The following MCC variants were observed in gnomAD, a reference collection of about 807,000 sequenced individuals.
MCC encodes the protein colorectal mutant cancer protein.
MCC carries 90 observed loss-of-function variants against 116.2 expected under a neutral mutation model. The ratio of observed to expected loss-of-function variants is 0.77; its 90% CI spans 0.65 to 0.92. The LOEUF is 0.92. MCC is among the 40% of genes least tolerant of loss of function. The pLI, the probability that MCC is intolerant of heterozygous loss-of-function variation, is 0.00. For missense variants in MCC, 1,516 were observed against 1,312.2 expected (o/e 1.16, Z -2.40); for synonymous variants, 578 against 510.5 (o/e 1.13, Z -1.78).
At chr5:113,083,032 C>A in intron 10 of MCC, 24 bp from the exon 11 acceptor site, 2 of 1,599,180 alleles carry the variant, frequency 1.3e-6, no homozygotes, top group Non-Finnish European at 1.7e-6. Flanking sequence ...CATTAATTCC[C>A]CTTTGGAACA....
Position 113,434,436 on chromosome 5 carries a change from C to T in MCC, c.171-49224G>A, listed in dbSNP as rs977695941. On this transcript the variant is annotated intron_variant, in intron 1 of 18. Transcript: ENST00000408903. The surrounding 1 kb of genome is among the most constrained non-coding windows in gnomAD (Gnocchi z 4.2). ...GAGAAGGTTGTCACACTTGAGGTCC[C>T]GGTGGACGACGTCCAGGTCGTGGCA... The T allele has an allele frequency of 5.6e-6, 9 of 1,613,678 alleles. No homozygotes were observed. Among genetic ancestry groups the T allele is most frequent in the South Asian group, 1.1e-5 (1 of 91,044 alleles).
At chr5:113,419,753 C>G (rs960889550) in intron 1 of MCC, among the ~76,000 whole-genome samples, 4 of 150,530 alleles carry the variant, frequency 2.7e-5, no homozygotes, top group African/African-American at 9.8e-5. Context: ...CCATCATTCT[C>G]AGCAAACTAT....
At chr5:113,294,220 G>A in intron 3 of MCC, 1 of 1,365,300 alleles carries the variant, frequency 7.3e-7, no homozygotes, top group Non-Finnish European at 1.0e-6. Context: ...CTCCAGACTG[G>A]GAGCACAGGG....
At chr5:113,448,965 A>G (rs1472802613) in intron 1 of MCC, among the ~76,000 whole-genome samples, 1 of 152,172 alleles carries the variant, frequency 6.6e-6, no homozygotes, top group Non-Finnish European at 1.5e-5. Flanking sequence ...TGTACTATAT[A>G]TTGCATGAAT....
chr5:113,085,717 G>C (rs924728171), intron 8 of MCC, among the ~76,000 whole-genome samples: 3 of 151,882 alleles, frequency 2.0e-5, no homozygotes, highest in African/African-American at 7.3e-5. Flanking sequence ...TTTGAGACAG[G>C]GTCTTGCTCT....
At chr5:113,343,918 C>G (rs1265956686) in intron 2 of MCC, among the ~76,000 whole-genome samples, 1 of 152,128 alleles carries the variant, frequency 6.6e-6, no homozygotes, top group Non-Finnish European at 1.5e-5. Context: ...TGCAGGAATA[C>G]CACATTTTAA....
chr5:113,223,582 C>A (rs1241707263), intron 3 of MCC, among the ~76,000 whole-genome samples: 1 of 152,010 alleles, frequency 6.6e-6, no homozygotes, highest in Admixed American at 6.6e-5. Flanking sequence ...GAAGTAGGGA[C>A]TGGAAAGGAA....
intron 3 of MCC, among the ~76,000 whole-genome samples, chr5:113,226,331 G>A (rs1763737057): frequency 6.6e-6 from 1 of 152,246 alleles, no homozygotes; most frequent in African/African-American, 2.4e-5. Context: ...AGGGATGAAT[G>A]TAACTGGAAA....
At chr5:113,128,485 T>C (rs1464535753) in intron 5 of MCC, among the ~76,000 whole-genome samples, 2 of 152,244 alleles carry the variant, frequency 1.3e-5, no homozygotes, top group African/African-American at 2.4e-5. Context: ...ATCTATTACA[T>C]ACAGGAAATA....
chr5:113,257,289 T>C (rs1177930477), intron 3 of MCC, among the ~76,000 whole-genome samples: 4 of 151,966 alleles, frequency 2.6e-5, no homozygotes, highest in East Asian at 3.9e-4. Flanking sequence ...ATTACTAAGG[T>C]TGTCATGAGG....
At chr5:113,241,946 G>GA (rs1247487623) in intron 3 of MCC, among the ~76,000 whole-genome samples, 3 of 151,964 alleles carry the variant, frequency 2.0e-5, no homozygotes, top group Non-Finnish European at 2.9e-5. Context: ...ATTCTTTTAG[G>GA]AAAAAAACAG....
In MCC at chr5:113,028,922, G is replaced by A. The variant is rs1333475158; in HGVS notation, c.2879+12C>T. Reference sequence around the variant, plus strand: ...GGAGGGCGGTGGGGGCTGGGTATAGGGAGATTTTTACCTGTTGGCCCGCTT... The same window carrying A: ...GGAGGGCGGTGGGGGCTGGGTATAGAGAGATTTTTACCTGTTGGCCCGCTT... On this transcript the variant is annotated intron_variant, in intron 18 of 18. Transcript: ENST00000408903. 5 of 1,612,488 alleles carry A rather than the reference G, an allele frequency of 3.1e-6. No individual in the cohort carries two copies. Among genetic ancestry groups the A allele is most frequent in the African/African-American group, 2.7e-5 (2 of 74,832 alleles).
chr5:113,090,994 G>A (rs1030771776), intron 8 of MCC, among the ~76,000 whole-genome samples: 8 of 152,230 alleles, frequency 5.3e-5, no homozygotes, highest in African/African-American at 4.8e-5. Context: ...GAATGAGAGC[G>A]TGGGAGGGAG....
chr5:113,418,935 A>G (rs1580351912), intron 1 of MCC, among the ~76,000 whole-genome samples: 1 of 152,200 alleles, frequency 6.6e-6, no homozygotes, highest in East Asian at 1.9e-4. Flanking sequence ...CACAAAAGGC[A>G]CAACCAACCA....
intron 1 of MCC, among the ~76,000 whole-genome samples, chr5:113,471,283 G>GT (rs1469926408): frequency 6.6e-6 from 1 of 152,090 alleles, no homozygotes; most frequent in South Asian, 2.1e-4. Flanking sequence ...TTTCTGCTCT[G>GT]TTTTTTTCCC....
intron 5 of MCC, among the ~76,000 whole-genome samples, chr5:113,132,423 C>CACACATATATATATATATATAT (rs1561384956): frequency 7.7e-6 from 1 of 130,188 alleles, no homozygotes; most frequent in African/African-American, 3.2e-5. Context: ...TATATACACA[C>CACACATATATATATATATATAT]ATACATATAT....
chr5:113,079,831 T>C (rs1754728180), intron 11 of MCC, among the ~76,000 whole-genome samples: 1 of 152,156 alleles, frequency 6.6e-6, no homozygotes, highest in African/African-American at 2.4e-5. Flanking sequence ...CTAAAGAGCT[T>C]CTGCACAGCA....
At chr5:113,421,556 C>G (rs1770334598) in intron 1 of MCC, among the ~76,000 whole-genome samples, 1 of 151,994 alleles carries the variant, frequency 6.6e-6, no homozygotes, top group Non-Finnish European at 1.5e-5. Context: ...TTTTTGTATC[C>G]CCATCTGTTA....
At chr5:113,180,162 C>T (rs535621650) in intron 3 of MCC, among the ~76,000 whole-genome samples, 33 of 152,260 alleles carry the variant, frequency 2.2e-4, no homozygotes, top group Middle Eastern at 3.4e-3. Flanking sequence ...CTGGACTTCA[C>T]GGGCCCATCT....
Sources: gnomAD v4.1 joint callset for allele counts (sites outside exome capture counted in the v4.1 genomes callset) on GRCh38, gnomAD v4.1.1 for gene constraint, Gnocchi (gnomAD v3.1) non-coding constraint, MANE v1.5 for transcripts, NCBI Gene and HGNC (gene_info 2026-07-23, HGNC 2026-07-21) for gene names.